EPB41L3: variants seen among roughly 807,000 people sequenced by gnomAD.
EPB41L3 encodes band 4.1-like protein 3.
EPB41L3 carries 57 observed loss-of-function variants against 127.1 expected under a neutral mutation model. The ratio of observed to expected loss-of-function variants is 0.45; its 90% confidence interval spans 0.36 to 0.56. The LOEUF (loss-of-function observed/expected upper bound fraction) is 0.56. EPB41L3 is among the 20% of genes least tolerant of loss of function. The pLI is 0.00. For synonymous variants in EPB41L3, 572 were observed against 549.5 expected, an observed-to-expected ratio of 1.04 and a Z score of -0.57; for missense variants, 1,273 against 1,372.2, an observed-to-expected ratio of 0.93 and a Z score of 1.14.
chr18:5,524,399 TG>T (rs2093139552), intron 1 of EPB41L3, among the ~76,000 whole-genome samples: 1 of 152,174 alleles, frequency 6.6e-6, no homozygotes, highest in Non-Finnish European at 1.5e-5. Flanking sequence ...TTCACCATGT[TG>T]GCCAGGCTGG....
intron 1 of EPB41L3, among the ~76,000 whole-genome samples, chr18:5,625,243 C>T (rs907314281): frequency 6.6e-6 from 1 of 151,868 alleles, no homozygotes; most frequent in Non-Finnish European, 1.5e-5. Flanking sequence ...GTTAGGAAGG[C>T]AGAATGAGAG....
chr18:5,406,881 T>G lies in EPB41L3; in HGVS notation c.2245A>C (p.Thr749Pro). Residue 749 changes from threonine to proline, a missense_variant, in exon 16 of 23, where the codon ACT becomes CCT. By Grantham distance (38) the Thr-to-Pro change is conservative. This residue lies in a region of EPB41L3 where 765 missense variants were observed against 782.9 expected (regional missense o/e 0.98). Coordinates refer to ENST00000341928, the MANE Select transcript of EPB41L3 (RefSeq NM_012307.5). Reference protein sequence around the residue: ...KRTFLETSTDTAVTNEWEKRL... With the variant: ...KRTFLETSTDPAVTNEWEKRL... ...TTCTCCCATTCATTCGTTACGGCAGTGTCTGTTGAGGTTTCTAAGAAGGTT... is the reference window on the plus strand; with the variant it reads ...TTCTCCCATTCATTCGTTACGGCAGGGTCTGTTGAGGTTTCTAAGAAGGTT... 1 of 1,614,164 alleles carries G rather than the reference T, an allele frequency of 6.2e-7. No homozygotes were observed. The highest frequency in any genetic ancestry group is 2.2e-5 in the East Asian group (1 of 44,874).
At chr18:5,452,135 C>T (rs1055538139) in intron 3 of EPB41L3, among the ~76,000 whole-genome samples, 2 of 152,166 alleles carry the variant, frequency 1.3e-5, no homozygotes, top group African/African-American at 4.8e-5. Context: ...TGAGCCACCA[C>T]GCCTGGCTGA....
chr18:5,540,337 T>C (rs2093685011), intron 1 of EPB41L3: 6 of 985,060 alleles, frequency 6.1e-6, no homozygotes, highest in Non-Finnish European at 4.8e-6. Context: ...CTCCAAACAA[T>C]ACCTCGCAAT....
rs759267754 is a variant in EPB41L3 at position 5,415,830 on chromosome 18, A to C, written c.2055T>G (p.Ser685Arg). ...SASLDNDPSD[S>R]SEEETDSERT... is the part of the protein sequence containing the mutation. ...CCGAGGTACACACCTCTTCCTCTGA[A>C]CTGTCACTCGGGTCATTGTCTAGGG... Residue 685 changes from serine to arginine, a missense_variant, in exon 13 of 23, where the codon AGT becomes AGG. This residue lies in a region of EPB41L3 where 765 missense variants were observed against 782.9 expected (regional missense o/e 0.98). Transcript: ENST00000341928. 4 of 1,612,346 alleles carry C rather than the reference A, an allele frequency of 2.5e-6. No individual in the cohort carries two copies. In the South Asian group the frequency reaches 4.4e-5, roughly 18 times the overall value.
Position 5,447,124 on chromosome 18 carries a change from A to C in EPB41L3, c.382-1880T>G, listed in dbSNP as rs951951874. On this transcript the variant is annotated intron_variant, in intron 3 of 22. Coordinates refer to ENST00000341928, the MANE Select transcript of EPB41L3 (RefSeq NM_012307.5). ...TTAGAATCAAGTAAACCTGTGCTTG[A>C]ATCTTCAGGATGTCCCTTGCAGCTA... Among the ~76,000 whole-genome samples the C allele has an allele frequency of 3.3e-5, 5 of 152,190 alleles. 1 individual carries two copies. In the South Asian group the frequency reaches 6.2e-4, roughly 19 times the overall value.
chr18:5,625,419 G>T (rs2094912424), intron 1 of EPB41L3, among the ~76,000 whole-genome samples: 1 of 152,130 alleles, frequency 6.6e-6, no homozygotes, highest in South Asian at 2.1e-4. Context: ...CGTGAGAAGA[G>T]AAAGGTGTAA....
intron 5 of EPB41L3, among the ~76,000 whole-genome samples, chr18:5,440,050 G>C (rs576801273): frequency 6.6e-6 from 1 of 152,158 alleles, no homozygotes. Context: ...AGGAAAGCAA[G>C]TTTCAACCTA....
rs1206962867 is a variant in EPB41L3, at chr18:5,543,674, C to CGGGCGGG, written c.-12+232_-12+238dup. ...CACTACTGCGCCGCGGCGGGCGGAG[C>CGGGCGGG]GGGCGGGGGGCGCGGCGCGCAGGCT... is the stretch of plus-strand genomic sequence containing the variant. On this transcript the variant is annotated intron_variant, in intron 1 of 22. Transcript: ENST00000341928. The surrounding 1 kb of genome is among the most constrained non-coding windows in gnomAD (Gnocchi z 5.2). 2.8e-5 allele frequency among the ~76,000 whole-genome samples: 4 copies of CGGGCGGG among 144,632 alleles called. No individual in the cohort carries two copies. The highest frequency in any genetic ancestry group is 7.5e-5 in the African/African-American group (3 of 40,126). 94.9% of individuals were successfully genotyped at this position (144,632 alleles called of 152,430 possible).
intron 3 of EPB41L3, among the ~76,000 whole-genome samples, chr18:5,566,092 A>G (rs2094194957): frequency 6.6e-6 from 1 of 152,156 alleles, no homozygotes; most frequent in African/African-American, 2.4e-5. Context: ...CCTATTCAAC[A>G]TGGTGTTGGA....
rs370717420 is a variant in EPB41L3, at chr18:5,541,252, C to CAAAAAAAAAAAAA, written c.-12+2648_-12+2660dup. ...TGGGTGACACAGAAGGACTCCATCTCAAAAAAAAAAAAAAAAAAAAAAAAA... is the reference window on the plus strand; with the variant it reads ...TGGGTGACACAGAAGGACTCCATCTCAAAAAAAAAAAAAAAAAAAAAAAAAAAAAAAAAAAAAA... On this transcript the variant is annotated intron_variant, in intron 1 of 22. Coordinates refer to ENST00000341928, the MANE Select transcript of EPB41L3 (RefSeq NM_012307.5). Among the ~76,000 whole-genome samples the CAAAAAAAAAAAAA allele has an allele frequency of 2.8e-4, 13 of 46,766 alleles. 3 individuals are homozygous for CAAAAAAAAAAAAA. The highest frequency in any genetic ancestry group is 1.3e-3 in the African/African-American group (12 of 9,094). The allele number at this position is 46,766 out of a possible 152,430, so 30.7% of individuals were successfully genotyped here.
rs183295259 is a variant in EPB41L3 at position 5,551,434 on chromosome 18, T to G, written c.-306+60906A>C. 2.6e-5 allele frequency among the ~76,000 whole-genome samples: 4 copies of G among 152,170 alleles called. No homozygotes were observed. The East Asian group carries it at 7.7e-4, about 29-fold the overall frequency. On this transcript the variant is annotated intron_variant, in intron 3 of 21. Transcript: ENST00000545076. ...ACGTGGGGGGATTTTTTAAAAAACA[T>G]CCGCTGAAGGCTGGGCACGGTGGCT...
chr18:5,431,309 C>T (rs573990580), intron 8 of EPB41L3: 12 of 152,260 alleles, frequency 7.9e-5, no homozygotes, highest in South Asian at 6.2e-4. Flanking sequence ...TCAACAGAAG[C>T]GAGGCATCTC....
intron 3 of EPB41L3, among the ~76,000 whole-genome samples, chr18:5,474,136 C>T (rs911650354): frequency 1.1e-4 from 16 of 151,680 alleles, no homozygotes; most frequent in Non-Finnish European, 2.9e-5. Context: ...GAGGCTGAGG[C>T]AGGAGAATGG....
Position 5,543,083 on chromosome 18 carries a change from C to T in EPB41L3, c.-12+830G>A, listed in dbSNP as rs1323006775. ...AGGTGAGTCGCGCCGCCCCGAGCCCCCGGGCCACGGCAGGCCGACCCAGGC... is the reference window on the plus strand; with the variant it reads ...AGGTGAGTCGCGCCGCCCCGAGCCCTCGGGCCACGGCAGGCCGACCCAGGC... On this transcript the variant is annotated intron_variant, in intron 1 of 22. Transcript: ENST00000341928. The surrounding 1 kb of genome is among the most constrained non-coding windows in gnomAD (Gnocchi z 5.2). 6.6e-6 allele frequency among the ~76,000 whole-genome samples: 1 copy of T among 151,742 alleles called. No individual in the cohort carries two copies. Among genetic ancestry groups the T allele is most frequent in the Admixed American group, 6.6e-5 (1 of 15,246 alleles).
At chr18:5,480,917 A>G (rs1568363037) in intron 2 of EPB41L3, 1 of 152,250 alleles carries the variant, frequency 6.6e-6, no homozygotes, top group Non-Finnish European at 1.5e-5. Flanking sequence ...AAGAAGGAAG[A>G]AAAAGCAAAC....
chr18:5,455,964 T>C (rs1189384550), intron 3 of EPB41L3, among the ~76,000 whole-genome samples: 1 of 152,070 alleles, frequency 6.6e-6, no homozygotes, highest in African/African-American at 2.4e-5. Flanking sequence ...TCATATTAGC[T>C]AATTCTGAAT....
chr18:5,573,928 T>C (rs2149262649), intron 3 of EPB41L3, among the ~76,000 whole-genome samples: 1 of 150,144 alleles, frequency 6.7e-6, no homozygotes, highest in African/African-American at 2.5e-5. Flanking sequence ...TTTTTTTTTT[T>C]GAGACGGAAT....
At position 5,489,032 on chromosome 18, in the gene EPB41L3, G is replaced by C. The variant is rs760393116; in HGVS notation, c.152C>G (p.Ala51Gly). The change falls in exon 2 of 23, where the codon GCT becomes GGT. Residue 51 changes from alanine to glycine, a missense_variant. Physicochemically the swap from Ala to Gly is moderately conservative, Grantham distance 60. Around this residue, in one of 3 missense-constraint regions of EPB41L3, gnomAD observed 182 missense variants for 149.2 expected, o/e 1.22. Transcript: ENST00000341928. ...QQQALEQFAAAAAHSTPVRRE... is the reference protein window; with the variant it reads ...QQQALEQFAAGAAHSTPVRRE... ...CCGCACCGGGGTGCTGTGCGCTGCAGCGGCGGCGAACTGCTCCAGGGCCTG... is the reference window on the plus strand; with the variant it reads ...CCGCACCGGGGTGCTGTGCGCTGCACCGGCGGCGAACTGCTCCAGGGCCTG... 6.3e-7 allele frequency: 1 copy of C among 1,590,880 alleles called. No individual in the cohort carries two copies. Among genetic ancestry groups the C allele is most frequent in the Non-Finnish European group, 8.5e-7 (1 of 1,175,702 alleles).
Sources: gnomAD v4.1 joint callset for allele counts (sites outside exome capture counted in the v4.1 genomes callset) on GRCh38, gnomAD v4.1.1 for gene constraint, gnomAD v4.1.1 regional missense constraint, Gnocchi (gnomAD v3.1) non-coding constraint, MANE v1.5 for transcripts, NCBI Gene and HGNC (gene_info 2026-07-23, HGNC 2026-07-21) for gene names.